SHC3: variants seen among roughly 807,000 people sequenced by gnomAD.
SHC3 encodes the protein SHC-transforming protein 3.
A neutral mutation model predicts 60.4 loss-of-function variants in SHC3; 15 were observed. That is an observed-to-expected ratio of 0.25 (90% CI 0.17 to 0.38). The LOEUF is 0.38. Among genes scored for constraint, SHC3 ranks in the 10% least tolerant of loss-of-function variants. The probability of loss-of-function intolerance (pLI) is 1.00; values close to 1 mark genes in which losing one functional copy is unlikely to be tolerated. For synonymous variants in SHC3, 294 were observed against 325.9 expected, an observed-to-expected ratio of 0.90 and a Z score of 1.05; for missense variants, 677 against 786.1, an observed-to-expected ratio of 0.86 and a Z score of 1.66.
chr9:89,095,962 A>T lies in SHC3; in HGVS notation c.545+16594T>A, dbSNP rs528660354. ...TTCCTCGTGGGACACCCGAGGCAGC[A>T]TCCCTTAGCACTCCCTGTCCTCCGC... On this transcript the variant is annotated intron_variant, in intron 2 of 11. Coordinates refer to ENST00000375835, the MANE Select transcript of SHC3 (RefSeq NM_016848.6). Among the ~76,000 whole-genome samples the T allele has an allele frequency of 7.9e-5, 12 of 152,276 alleles. No homozygotes were observed. The South Asian group carries it at 2.3e-3, about 29-fold the overall frequency.
chr9:89,102,362 T>C (rs553835431), intron 2 of SHC3, among the ~76,000 whole-genome samples: 60 of 152,276 alleles, frequency 3.9e-4, no homozygotes, highest in African/African-American at 1.3e-3. Flanking sequence ...ATAAAACTTA[T>C]GAAAAAAACA....
intron 1 of SHC3, among the ~76,000 whole-genome samples, chr9:89,151,788 T>G (rs1826549078): frequency 6.6e-6 from 1 of 152,246 alleles, no homozygotes; most frequent in Non-Finnish European, 1.5e-5. Context: ...AAATAAGGGC[T>G]AAAATAATTC....
intron 1 of SHC3, among the ~76,000 whole-genome samples, chr9:89,142,499 A>C (rs1370588160): frequency 6.6e-6 from 1 of 151,928 alleles, no homozygotes; most frequent in Non-Finnish European, 1.5e-5. Flanking sequence ...CCTGGCCAAC[A>C]TGGTGAAATC....
chr9:89,033,853 A>C (rs1480217633), intron 11 of SHC3, among the ~76,000 whole-genome samples: 3 of 152,346 alleles, frequency 2.0e-5, no homozygotes, highest in Middle Eastern at 3.4e-3. Context: ...GGCTTCTCTG[A>C]AAAGACTTCT....
intron 7 of SHC3, 85 bp from the exon 8 acceptor site, chr9:89,047,079 T>C: frequency 7.1e-7 from 1 of 1,402,834 alleles, no homozygotes; most frequent in South Asian, 1.8e-5. Context: ...CGCCTGTTAT[T>C]AAGAAAAGAG....
intron 11 of SHC3, among the ~76,000 whole-genome samples, chr9:89,026,818 T>A (rs1826315273): frequency 6.6e-6 from 1 of 152,322 alleles, no homozygotes; most frequent in South Asian, 2.1e-4. Context: ...CCTGCACACC[T>A]GGGCCCTTGG....
Position 89,015,422 on chromosome 9 carries a change from C to G in SHC3, c.1657-1847G>C, listed in dbSNP as rs1474742173. On this transcript the variant is annotated intron_variant, in intron 11 of 11. Coordinates refer to ENST00000375835, the MANE Select transcript of SHC3 (RefSeq NM_016848.6). ...TAGTAGCCACAGCCCAGGCCCCAGG[C>G]CAATTCCATAAGGAGCTCAGGGTGG... is the stretch of plus-strand genomic sequence containing the variant. 2.6e-5 allele frequency among the ~76,000 whole-genome samples: 4 copies of G among 152,204 alleles called. No individual in the cohort carries two copies. The South Asian group carries it at 6.2e-4, about 24-fold the overall frequency.
intron 4 of SHC3, among the ~76,000 whole-genome samples, chr9:89,072,970 A>G (rs144816760): frequency 6.6e-6 from 1 of 152,354 alleles, no homozygotes; most frequent in East Asian, 1.9e-4. Context: ...CCCTGAGTAC[A>G]TAAGTGAATA....
At chr9:89,146,887 A>G (rs948295620) in intron 1 of SHC3, among the ~76,000 whole-genome samples, 1 of 152,180 alleles carries the variant, frequency 6.6e-6, no homozygotes, top group Non-Finnish European at 1.5e-5. Flanking sequence ...CATTTTCCGA[A>G]TGTTTGGCAT....
rs1341771787 is a variant in SHC3 at position 89,011,202 on chromosome 9, T to G, written c.*2245A>C. On this transcript the variant is annotated 3_prime_UTR_variant, in exon 12 of 12. Coordinates refer to ENST00000375835, the MANE Select transcript of SHC3 (RefSeq NM_016848.6). ...AATTCGACTCCAATACTTTAAATTTTCTAAATTGATTCTCATGCAAAAAAT... is the reference window on the plus strand; with the variant it reads ...AATTCGACTCCAATACTTTAAATTTGCTAAATTGATTCTCATGCAAAAAAT... The G allele has an allele frequency of 1.3e-5, 2 of 152,224 alleles. No homozygotes were observed. Among genetic ancestry groups the G allele is most frequent in the Non-Finnish European group, 2.9e-5 (2 of 68,036 alleles). 9.4% of individuals were successfully genotyped at this position (152,224 alleles called of 1,614,324 possible).
chr9:89,030,573 G>T (rs1049564499), intron 11 of SHC3, among the ~76,000 whole-genome samples: 12 of 152,088 alleles, frequency 7.9e-5, no homozygotes, highest in African/African-American at 2.9e-4. Context: ...GAGATAAAGA[G>T]GGACATTTCA....
intron 1 of SHC3, among the ~76,000 whole-genome samples, chr9:89,131,248 A>T (rs1826240556): frequency 6.6e-6 from 1 of 152,338 alleles, no homozygotes; most frequent in South Asian, 2.1e-4. Context: ...ACAGGCTCTG[A>T]AATTGAGGCA....
intron 1 of SHC3, among the ~76,000 whole-genome samples, chr9:89,136,513 G>C (rs755382443): frequency 6.6e-6 from 1 of 152,118 alleles, no homozygotes; most frequent in Non-Finnish European, 1.5e-5. Context: ...ACAAATGCCA[G>C]GAAATGTCAG....
At position 89,178,021 on chromosome 9, in the gene SHC3, TG is replaced by T; in HGVS notation, c.439del (p.Gln147ArgfsTer23). On this transcript the variant is annotated frameshift_variant, in exon 1 of 12. Transcript: ENST00000375835. LOFTEE classifies it high-confidence loss of function. This position sits in a 1 kb window ranked among gnomAD's most constrained non-coding sequence, Gnocchi z 6.9. The part of the protein sequence containing the change: ...PPRGAPHASD[Q>X]VLGPGVTYVV... ...GTAGGTGACTCCGGGCCCCAGCACC[TG>T]GTCGCTGGCGTGCGGCGCCCCCCGA... 8.1e-7 allele frequency: 1 copy of T among 1,233,742 alleles called. No individual in the cohort carries two copies. Among genetic ancestry groups the T allele is most frequent in the South Asian group, 3.8e-5 (1 of 26,198 alleles). The allele number at this position is 1,233,742 out of a possible 1,614,324, so 76.4% of individuals were successfully genotyped here.
chr9:89,094,316 C>T (rs1825668627), intron 2 of SHC3, among the ~76,000 whole-genome samples: 1 of 151,828 alleles, frequency 6.6e-6, no homozygotes, highest in African/African-American at 2.4e-5. Context: ...TTCAGGAAGC[C>T]CTGGTCAGGG....
chr9:89,102,401 A>G lies in SHC3; in HGVS notation c.545+10155T>C, dbSNP rs11137513. 1.3e-3 allele frequency among the ~76,000 whole-genome samples: 198 copies of G among 152,346 alleles called. 1 individual carries two copies. The highest frequency in any genetic ancestry group is 4.7e-3 in the African/African-American group (194 of 41,582). On this transcript the variant is annotated intron_variant, in intron 2 of 11. Transcript: ENST00000375835. ...GGTAATGACTCTGGATCAAGGAATGAGTCTGTATATTCAGACTCTGAATTT... is the reference window on the plus strand; with the variant it reads ...GGTAATGACTCTGGATCAAGGAATGGGTCTGTATATTCAGACTCTGAATTT...
chr9:89,014,144 C>T (rs1826056435), intron 11 of SHC3, among the ~76,000 whole-genome samples: 1 of 152,220 alleles, frequency 6.6e-6, no homozygotes, highest in South Asian at 2.1e-4. Flanking sequence ...CCCCTGCAGT[C>T]CCCCACTGGA....
At chr9:89,110,467 ATG>A in intron 2 of SHC3, 1 of 984,796 alleles carries the variant, frequency 1.0e-6, no homozygotes. Context: ...AATCACAGGT[ATG>A]TTGAACACTT....
intron 1 of SHC3, among the ~76,000 whole-genome samples, chr9:89,128,469 C>A (rs1191748195): frequency 6.6e-6 from 1 of 152,168 alleles, no homozygotes; most frequent in Non-Finnish European, 1.5e-5. Flanking sequence ...GTCCCTGATC[C>A]CTGAGCAGCC....
Sources: gnomAD v4.1 joint callset for allele counts (sites outside exome capture counted in the v4.1 genomes callset) on GRCh38, gnomAD v4.1.1 for gene constraint, Gnocchi (gnomAD v3.1) non-coding constraint, MANE v1.5 for transcripts, NCBI Gene and HGNC (gene_info 2026-07-23, HGNC 2026-07-21) for gene names.